Variants in SLCO1B3 observed in about 807,000 individuals in gnomAD.
SLCO1B3 encodes liver-specific organic anion transporter 2.
Under a neutral mutation model 71.8 loss-of-function variants are expected in SLCO1B3, and 72 were observed. The ratio of observed to expected loss-of-function variants is 1.00; its 90% CI spans 0.83 to 1.22. The LOEUF is 1.22. Among genes scored for constraint, SLCO1B3 ranks in the 50% most tolerant of loss-of-function variants. SLCO1B3 has a pLI of 0.00. For missense variants in SLCO1B3, 911 were observed against 819.7 expected, an observed-to-expected ratio of 1.11 and a Z score of -1.36; for synonymous variants, 298 against 278.4, an observed-to-expected ratio of 1.07 and a Z score of -0.70.
intron 3 of SLCO1B3, among the ~76,000 whole-genome samples, chr12:20,835,588 C>T (rs1864662381): frequency 6.6e-6 from 1 of 152,150 alleles, no homozygotes; most frequent in Non-Finnish European, 1.5e-5. Flanking sequence ...CACATTTGCT[C>T]TAGTTCCCAA....
chr12:20,845,075 G>T, intron 3 of SLCO1B3: 1 of 379,440 alleles, frequency 2.6e-6, no homozygotes, highest in South Asian at 2.3e-5. Context: ...CTAAGTTTCA[G>T]AGATGGATTC....
intron 15 of SLCO1B3, among the ~76,000 whole-genome samples, chr12:20,902,532 A>G (rs967760113): frequency 7.2e-5 from 11 of 152,194 alleles, no homozygotes; most frequent in Admixed American, 3.9e-4. Flanking sequence ...GAAGGGAACA[A>G]TAGACACTGG....
Position 20,875,295 on chromosome 12 carries a change from T to C in SLCO1B3, c.788T>C (p.Leu263Pro). ...GTTGGAGCTTGGTGGCTTGGTTTCC[T>C]TGTGTCTGGACTATTTTCCATTATT... ...RWVGAWWLGFLVSGLFSIISS... is the reference protein window; with the variant it reads ...RWVGAWWLGFPVSGLFSIISS... The change falls in exon 9 of 16, where the codon CTT becomes CCT. Residue 263 changes from leucine (L) to proline (P), a missense_variant. Leu to Pro is a moderately conservative substitution (Grantham distance 98). Coordinates refer to ENST00000381545, the MANE Select transcript of SLCO1B3 (RefSeq NM_019844.4). The C allele has an allele frequency of 1.2e-6, 2 of 1,613,578 alleles. No individual in the cohort carries two copies. Among genetic ancestry groups the C allele is most frequent in the East Asian group, 2.2e-5 (1 of 44,862 alleles).
chr12:20,903,365 T>C (rs1866168398), intron 15 of SLCO1B3, among the ~76,000 whole-genome samples: 1 of 152,222 alleles, frequency 6.6e-6, no homozygotes, highest in African/African-American at 2.4e-5. Context: ...CTATGTTACA[T>C]TCATATAGTG....
At chr12:20,835,144 T>C (rs1010357579) in intron 3 of SLCO1B3, among the ~76,000 whole-genome samples, 2 of 152,258 alleles carry the variant, frequency 1.3e-5, no homozygotes, top group African/African-American at 4.8e-5. Flanking sequence ...TAGCCATGGC[T>C]GGAGTGGCTG....
intron 2 of SLCO1B3, among the ~76,000 whole-genome samples, chr12:20,815,153 A>G (rs982058672): frequency 6.6e-5 from 10 of 152,150 alleles, no homozygotes; most frequent in African/African-American, 2.4e-4. Flanking sequence ...TCCAAACTTT[A>G]TCTGCTTTTT....
chr12:20,900,101 A>G (rs376085649), intron 14 of SLCO1B3, among the ~76,000 whole-genome samples: 1 of 152,210 alleles, frequency 6.6e-6, no homozygotes, highest in African/African-American at 2.4e-5. Context: ...TAACGTGAAG[A>G]AAATAAATTG....
rs112579834 is a variant in SLCO1B3 at position 20,821,106 on chromosome 12, C to T, written c.84+5284C>T. On this transcript the variant is annotated intron_variant, in intron 3 of 15. Coordinates refer to ENST00000381545, the MANE Select transcript of SLCO1B3 (RefSeq NM_019844.4). Reference sequence around the variant, plus strand: ...AAGGAAGATTAGAAAGACTCAGCGACGCTTGGGGTTGGGCCTGAGGGGACA... The same window carrying T: ...AAGGAAGATTAGAAAGACTCAGCGATGCTTGGGGTTGGGCCTGAGGGGACA... 5.3e-5 allele frequency among the ~76,000 whole-genome samples: 8 copies of T among 151,966 alleles called. No homozygotes were observed. The South Asian group carries it at 6.2e-4, about 12-fold the overall frequency.
intron 3 of SLCO1B3, among the ~76,000 whole-genome samples, chr12:20,826,855 T>C (rs1864434785): frequency 2.6e-5 from 4 of 152,202 alleles, no homozygotes; most frequent in Admixed American, 6.5e-5. Flanking sequence ...AAAATTATTT[T>C]CCTTTAAATA....
chr12:20,904,812 T>A (rs1024005648), intron 15 of SLCO1B3, among the ~76,000 whole-genome samples: 1 of 121,932 alleles, frequency 8.2e-6, no homozygotes, highest in Middle Eastern at 5.4e-3. Flanking sequence ...CTTGCTCTGA[T>A]GCCCAGGCTG....
In SLCO1B3 at chr12:20,916,652, G is replaced by A. The variant is rs1866506429; in HGVS notation, c.*405G>A. The A allele has an allele frequency of 6.6e-6, 1 of 152,406 alleles. No individual in the cohort carries two copies. The highest frequency in any genetic ancestry group is 6.5e-5 in the Admixed American group (1 of 15,292). The allele number at this position is 152,406 out of a possible 1,614,324, so 9.4% of individuals were successfully genotyped here. On this transcript the variant is annotated 3_prime_UTR_variant, in exon 16 of 16. Transcript: ENST00000381545. ...AGGCCAAAATCTGGCCTGGATTTAT[G>A]CTATAATATATATTTTCATGTTAAG...
chr12:20,835,368 T>TC (rs1174737159), intron 3 of SLCO1B3, among the ~76,000 whole-genome samples: 5 of 152,156 alleles, frequency 3.3e-5, no homozygotes, highest in Admixed American at 2.0e-4. Flanking sequence ...TGCTTGAATA[T>TC]CCCCCCAGAA....
chr12:20,821,914 C>A (rs529766378), intron 3 of SLCO1B3, among the ~76,000 whole-genome samples: 12 of 151,790 alleles, frequency 7.9e-5, no homozygotes, highest in Non-Finnish European at 1.6e-4. Context: ...TGTCTCTATC[C>A]GAAAATGAAA....
At chr12:20,915,173 C>T (rs946112702) in intron 15 of SLCO1B3, among the ~76,000 whole-genome samples, 7 of 151,838 alleles carry the variant, frequency 4.6e-5, no homozygotes, top group Non-Finnish European at 7.4e-5. Context: ...CTTGGTTATT[C>T]TGTTTTTTCT....
rs114252721 is a variant in SLCO1B3 at position 20,842,956 on chromosome 12, A to G, written c.85-12072A>G. On this transcript the variant is annotated intron_variant, in intron 3 of 15. Coordinates refer to ENST00000381545, the MANE Select transcript of SLCO1B3 (RefSeq NM_019844.4). ...ATTTTGCCCTTCCCACTGTGAGATT[A>G]CTGTAAGAAGATGGCCCTCTTCCTG... Among the ~76,000 whole-genome samples, 828 of 152,246 alleles carry G rather than the reference A, an allele frequency of 5.4e-3. 10 individuals are homozygous for G. The highest frequency in any genetic ancestry group is 0.019 in the African/African-American group (809 of 41,554).
At chr12:20,831,037 G>T (rs1274234148) in intron 3 of SLCO1B3, among the ~76,000 whole-genome samples, 1 of 150,776 alleles carries the variant, frequency 6.6e-6, no homozygotes, top group African/African-American at 2.5e-5. Context: ...AGATAGCAGT[G>T]TATGTAAGGC....
At chr12:20,840,423 ACT>A (rs1864772064) in intron 3 of SLCO1B3, among the ~76,000 whole-genome samples, 1 of 140,600 alleles carries the variant, frequency 7.1e-6, no homozygotes, top group Admixed American at 7.4e-5. Flanking sequence ...ATGGAGTCTC[ACT>A]CTGTTGCCCA....
intron 3 of SLCO1B3, among the ~76,000 whole-genome samples, chr12:20,837,601 C>T (rs180941981): frequency 1.3e-5 from 2 of 152,164 alleles, no homozygotes; most frequent in Non-Finnish European, 2.9e-5. Context: ...GTTACTTAGT[C>T]TCTACATATT....
intron 13 of SLCO1B3, among the ~76,000 whole-genome samples, chr12:20,886,481 G>A (rs1208808353): frequency 6.6e-6 from 1 of 152,070 alleles, no homozygotes; most frequent in Non-Finnish European, 1.5e-5. Context: ...AAAGGAAACT[G>A]AGGAGGTCCC....
Sources: gnomAD v4.1 joint callset for allele counts (sites outside exome capture counted in the v4.1 genomes callset) on GRCh38, gnomAD v4.1.1 for gene constraint, MANE v1.5 for transcripts, NCBI Gene and HGNC (gene_info 2026-07-23, HGNC 2026-07-21) for gene names.